FAM171A1: variants seen among roughly 807,000 people sequenced by gnomAD.
The protein encoded by FAM171A1 is protein FAM171A1.
A neutral mutation model predicts 74.9 loss-of-function variants in FAM171A1; 23 were observed. The ratio of observed to expected loss-of-function variants is 0.31; its 90% CI spans 0.22 to 0.44. The LOEUF (loss-of-function observed/expected upper bound fraction) is 0.44. Among genes scored for constraint, FAM171A1 ranks in the 20% least tolerant of loss-of-function variants. The pLI, the probability that FAM171A1 is intolerant of heterozygous loss-of-function variation, is 1.00. For synonymous variants in FAM171A1, 527 were observed against 505.7 expected (o/e 1.04, Z -0.57); for missense variants, 1,162 against 1,159.2 (o/e 1.00, Z -0.03).
At chr10:15,235,324 A>C (rs896958243) in intron 5 of FAM171A1, among the ~76,000 whole-genome samples, 2 of 151,364 alleles carry the variant, frequency 1.3e-5, no homozygotes, top group Non-Finnish European at 3.0e-5. Context: ...AAAAAAAAAA[A>C]AAAAACCTCT....
At chr10:15,360,921 T>G (rs563545584) in intron 1 of FAM171A1, among the ~76,000 whole-genome samples, 10 of 152,296 alleles carry the variant, frequency 6.6e-5, no homozygotes, top group African/African-American at 2.2e-4. Context: ...ATCTAAGTAT[T>G]TTTCCCATGG....
chr10:15,268,096 A>G (rs1175787128), intron 3 of FAM171A1, among the ~76,000 whole-genome samples: 1 of 152,158 alleles, frequency 6.6e-6, no homozygotes, highest in Admixed American at 6.5e-5. Context: ...GTGTGTATAA[A>G]TGCTGTAGCC....
chr10:15,225,628 T>G (rs1275509345), intron 5 of FAM171A1, among the ~76,000 whole-genome samples: 1 of 152,200 alleles, frequency 6.6e-6, no homozygotes, highest in Non-Finnish European at 1.5e-5. Context: ...GATTCTTTAC[T>G]GGTGGTACCG....
In FAM171A1 at chr10:15,213,741, G is replaced by A; in HGVS notation, c.1847C>T (p.Ala616Val). 1.2e-6 allele frequency: 2 copies of A among 1,613,820 alleles called. No individual in the cohort carries two copies. The highest frequency in any genetic ancestry group is 1.3e-5 in the African/African-American group (1 of 75,054). ...DQQLEIERLQ[A>V]ELSNPHAGIF... ...CCCGGCATGGGGATTGGACAGCTCA[G>A]CCTGTAGTCTTTCTATCTCAAGCTG... is the stretch of plus-strand genomic sequence containing the variant. The change falls in exon 8 of 8, where the codon GCT becomes GTT. Residue 616 changes from alanine to valine, a missense_variant. Physicochemically the swap from Ala to Val is moderately conservative, Grantham distance 64. Transcript: ENST00000378116. This position sits in a 1 kb window ranked among gnomAD's most constrained non-coding sequence, Gnocchi z 6.8.
At chr10:15,273,526 T>TCC (rs1834854649) in intron 3 of FAM171A1, among the ~76,000 whole-genome samples, 1 of 152,160 alleles carries the variant, frequency 6.6e-6, no homozygotes, top group Non-Finnish European at 1.5e-5. Flanking sequence ...GAGGGAATCT[T>TCC]CCCTAACTCA....
chr10:15,367,218 A>G (rs1192709635), intron 1 of FAM171A1, among the ~76,000 whole-genome samples: 1 of 151,968 alleles, frequency 6.6e-6, no homozygotes, highest in Non-Finnish European at 1.5e-5. Flanking sequence ...AAACAAACAA[A>G]CAAACACACA....
At chr10:15,348,578 CT>C (rs1828961388) in intron 1 of FAM171A1, among the ~76,000 whole-genome samples, 1 of 152,228 alleles carries the variant, frequency 6.6e-6, no homozygotes, top group Admixed American at 6.5e-5. Flanking sequence ...GGCTCTGCCC[CT>C]CTCTGTTCCT....
chr10:15,323,013 G>A (rs1225023873), intron 1 of FAM171A1, among the ~76,000 whole-genome samples: 5 of 151,340 alleles, frequency 3.3e-5, no homozygotes, highest in Admixed American at 6.6e-5. Flanking sequence ...GGTGGTGCAC[G>A]CCTATAATCC....
At chr10:15,299,905 G>A (rs1340334180) in intron 1 of FAM171A1, among the ~76,000 whole-genome samples, 1 of 152,032 alleles carries the variant, frequency 6.6e-6, no homozygotes, top group African/African-American at 2.4e-5. Flanking sequence ...GTGAACCCGG[G>A]AGGCAGAGCT....
Position 15,284,061 on chromosome 10 carries a change from G to A in FAM171A1, c.142C>T (p.Pro48Ser). 1 of 1,609,236 alleles carries A rather than the reference G, an allele frequency of 6.2e-7. No homozygotes were observed. Among genetic ancestry groups the A allele is most frequent in the Non-Finnish European group, 8.5e-7 (1 of 1,178,244 alleles). The change falls in exon 2 of 8, where the codon CCC becomes TCC. Residue 48 changes from proline (P) to serine (S), a missense_variant. By Grantham distance (74) the Pro-to-Ser change is moderately conservative. Transcript: ENST00000378116. ...ATCTCGATGAGCGCATCTGCTACGG[G>A]CTGGTGGGTGCTGGCGTCGCTGATG... ...VHISDASTHQ[P>S]VADALIEIFT...
chr10:15,319,527 G>C (rs971639386), intron 1 of FAM171A1, among the ~76,000 whole-genome samples: 1 of 152,176 alleles, frequency 6.6e-6, no homozygotes, highest in African/African-American at 2.4e-5. Flanking sequence ...CCACATCCCA[G>C]GTTCAAGTGA....
At chr10:15,279,279 A>C (rs2131803914) in intron 2 of FAM171A1, among the ~76,000 whole-genome samples, 1 of 152,226 alleles carries the variant, frequency 6.6e-6, no homozygotes, top group East Asian at 1.9e-4. Context: ...GGAGAGAAAA[A>C]TGATTCCTTG....
intron 1 of FAM171A1, among the ~76,000 whole-genome samples, chr10:15,313,386 G>C (rs7912473): frequency 0.97 from 148,410 of 152,316 alleles, 72,412 homozygotes; most frequent in East Asian, 1. Flanking sequence ...CTTTCCTTGA[G>C]CTAAAATTTT....
Position 15,294,386 on chromosome 10 carries a change from G to A in FAM171A1, c.98-10281C>T, listed in dbSNP as rs376817061. Among the ~76,000 whole-genome samples the A allele has an allele frequency of 1.8e-4, 28 of 152,298 alleles. No homozygotes were observed. In the East Asian group the frequency reaches 3.3e-3, roughly 18 times the overall value. ...GCCTGCCCAAGGTCGTGGACCCCGG[G>A]AGTGTGTGCTCACACCTCTTCTTGC... On this transcript the variant is annotated intron_variant, in intron 1 of 7. Transcript: ENST00000378116.
chr10:15,310,367 G>A (rs1240490036), intron 1 of FAM171A1, among the ~76,000 whole-genome samples: 6 of 152,160 alleles, frequency 3.9e-5, no homozygotes, highest in African/African-American at 7.2e-5. Flanking sequence ...GTAAAGGAAA[G>A]GGTGACCTAA....
chr10:15,348,866 C>T (rs1429121172), intron 1 of FAM171A1, among the ~76,000 whole-genome samples: 2 of 152,320 alleles, frequency 1.3e-5, no homozygotes, highest in East Asian at 1.9e-4. Context: ...TTTCACTGTA[C>T]TCCATTTCAT....
At chr10:15,270,121 T>C (rs1834803916) in intron 3 of FAM171A1, among the ~76,000 whole-genome samples, 2 of 152,142 alleles carry the variant, frequency 1.3e-5, no homozygotes, top group African/African-American at 4.8e-5. Flanking sequence ...GGAATTCCCT[T>C]TCCTAGCCAA....
intron 1 of FAM171A1, among the ~76,000 whole-genome samples, chr10:15,344,868 GC>G (rs1188633451): frequency 6.6e-6 from 1 of 152,152 alleles, no homozygotes; most frequent in Non-Finnish European, 1.5e-5. Flanking sequence ...ATATTCATAG[GC>G]ATAGGGGCCA....
intron 3 of FAM171A1, among the ~76,000 whole-genome samples, chr10:15,270,386 G>C (rs182646971): frequency 1.3e-5 from 2 of 152,178 alleles, no homozygotes; most frequent in African/African-American, 2.4e-5. Context: ...TGGGAAGCTC[G>C]AACTGGGTGG....
Sources: allele counts gnomAD v4.1 joint callset (sites outside exome capture counted in the v4.1 genomes callset), GRCh38; gene constraint gnomAD v4.1.1; non-coding constraint Gnocchi (gnomAD v3.1); transcripts MANE v1.5; gene names NCBI Gene and HGNC (gene_info 2026-07-23, HGNC 2026-07-21).